The following PLCZ1 variants were observed in gnomAD, a reference collection of about 807,000 sequenced individuals.
The protein encoded by PLCZ1 is phospholipase C zeta 1, also known as 1-phosphatidylinositol 4,5-bisphosphate phosphodiesterase zeta-1.
PLCZ1 carries 64 observed loss-of-function variants against 76.8 expected under a neutral mutation model. The ratio of observed to expected loss-of-function variants is 0.83; its 90% CI spans 0.68 to 1.03. The LOEUF (loss-of-function observed/expected upper bound fraction) is 1.03. Ranked by LOEUF, PLCZ1 falls within the 50% of genes least tolerant of loss-of-function variation. PLCZ1 has a pLI of 0.00. For missense variants in PLCZ1, 751 were observed against 713.7 expected, an observed-to-expected ratio of 1.05 and a Z score of -0.60; for synonymous variants, 248 against 230.8, an observed-to-expected ratio of 1.07 and a Z score of -0.68.
chr12:18,683,333 G>C lies in PLCZ1; in HGVS notation c.1742-9C>G, dbSNP rs775325409. 46 of 1,611,372 alleles carry C rather than the reference G, an allele frequency of 2.9e-5. No individual in the cohort carries two copies. The highest frequency in any genetic ancestry group is 3.9e-5 in the Non-Finnish European group (46 of 1,178,180). ...AGGAATACGACGATAACCTGCAAAA[G>C]GAATTATATCTAATTAGACCAATAA... is the stretch of plus-strand genomic sequence containing the variant. On this transcript the variant is annotated splice_polypyrimidine_tract_variant and intron_variant, in intron 14 of 14. Transcript: ENST00000266505.
chr12:18,704,106 A>G (rs746242528), intron 7 of PLCZ1, among the ~76,000 whole-genome samples: 2 of 152,188 alleles, frequency 1.3e-5, no homozygotes, highest in South Asian at 2.1e-4. Context: ...GTTACAACAG[A>G]AAGTAATTCA....
chr12:18,699,103 A>G (rs1955526912), intron 10 of PLCZ1, among the ~76,000 whole-genome samples: 2 of 152,150 alleles, frequency 1.3e-5, no homozygotes, highest in African/African-American at 4.8e-5. Flanking sequence ...CCTCAGTTTT[A>G]GAATTAGAGG....
At chr12:18,683,666 T>C (rs1228979248) in intron 14 of PLCZ1, 1 of 1,292,494 alleles carries the variant, frequency 7.7e-7, no homozygotes, top group Non-Finnish European at 1.0e-6. Flanking sequence ...GACAAGGTAA[T>C]TGGGAGCACA....
downstream of PLCZ1, among the ~76,000 whole-genome samples, chr12:18,680,206 C>T (rs1323658276): frequency 6.6e-6 from 1 of 152,002 alleles, no homozygotes; most frequent in African/African-American, 2.4e-5. Context: ...TGTTCAATCC[C>T]ATAAGCATTT....
In PLCZ1 at chr12:18,731,529, C is replaced by T. The variant is rs1293903156; in HGVS notation, c.135+4692G>A. Among the ~76,000 whole-genome samples the T allele has an allele frequency of 6.4e-5, 8 of 125,570 alleles. No individual in the cohort carries two copies. The South Asian group carries it at 1.9e-3, about 30-fold the overall frequency. 82.4% of individuals were successfully genotyped at this position (125,570 alleles called of 152,430 possible). ...AACTGTCATTTCTGTGAGTAATAAGCTGTCTTTTTTTTTTTTTTTTTTTTT... is the reference window on the plus strand; with the variant it reads ...AACTGTCATTTCTGTGAGTAATAAGTTGTCTTTTTTTTTTTTTTTTTTTTT... On this transcript the variant is annotated intron_variant, in intron 3 of 14. Transcript: ENST00000266505.
At chr12:18,672,647 T>C in the PLCZ1 span, among the ~76,000 whole-genome samples, 1 of 152,196 alleles carries the variant, frequency 6.6e-6, no homozygotes, top group Non-Finnish European at 1.5e-5. Context: ...ACACTGAGTT[T>C]CTTATTGACC....
the PLCZ1 span, among the ~76,000 whole-genome samples, chr12:18,672,404 G>A: frequency 2.0e-5 from 3 of 151,920 alleles, no homozygotes; most frequent in African/African-American, 4.8e-5. Flanking sequence ...TTTAATGTGT[G>A]ATCTCTGATT....
the PLCZ1 span, among the ~76,000 whole-genome samples, chr12:18,650,347 A>ATATG: frequency 1.9e-3 from 220 of 114,416 alleles, no homozygotes; most frequent in African/African-American, 3.1e-3. Context: ...ATATATATAT[A>ATATG]TGTGTGTGTG....
chr12:18,657,380 A>T, the PLCZ1 span, among the ~76,000 whole-genome samples: 1 of 152,286 alleles, frequency 6.6e-6, no homozygotes, highest in African/African-American at 2.4e-5. Flanking sequence ...GAAGATCCAG[A>T]GCTCTTGTCA....
At chr12:18,679,042 T>G (rs183853697), downstream of PLCZ1, among the ~76,000 whole-genome samples, 232 of 152,208 alleles carry the variant, frequency 1.5e-3, 1 homozygote, top group Non-Finnish European at 2.1e-4. Context: ...TAACGATAAC[T>G]CATTATAGTG....
intron 3 of PLCZ1, among the ~76,000 whole-genome samples, chr12:18,733,745 A>C (rs1959168366): frequency 6.6e-6 from 1 of 152,066 alleles, no homozygotes; most frequent in Non-Finnish European, 1.5e-5. Flanking sequence ...TATGTATTTT[A>C]GTACCTTTGT....
downstream of PLCZ1, among the ~76,000 whole-genome samples, chr12:18,678,965 T>C (rs997011701): frequency 6.6e-6 from 1 of 152,078 alleles, no homozygotes; most frequent in African/African-American, 2.4e-5. Flanking sequence ...CTAGCAGTGA[T>C]TGAGTTCAGT....
the PLCZ1 span, among the ~76,000 whole-genome samples, chr12:18,668,113 C>T: frequency 1.3e-5 from 2 of 152,112 alleles, no homozygotes; most frequent in Non-Finnish European, 2.9e-5. Flanking sequence ...TTTCTTAGCC[C>T]CAACTTGTAT....
chr12:18,690,258 T>C (rs914018578), intron 12 of PLCZ1, among the ~76,000 whole-genome samples: 1 of 152,134 alleles, frequency 6.6e-6, no homozygotes, highest in Non-Finnish European at 1.5e-5. Flanking sequence ...ACTTTGGCTC[T>C]TGCTACCCAA....
the PLCZ1 span, among the ~76,000 whole-genome samples, chr12:18,663,952 T>C: frequency 2.0e-5 from 3 of 152,128 alleles, no homozygotes; most frequent in Admixed American, 2.0e-4. Context: ...TGAATAGACA[T>C]TTCTCCAAAG....
intron 5 of PLCZ1, among the ~76,000 whole-genome samples, chr12:18,715,458 G>C (rs935613823): frequency 4.6e-5 from 7 of 151,394 alleles, no homozygotes; most frequent in African/African-American, 1.7e-4. Context: ...CTGGGGTGCA[G>C]TGGCGCGATC....
At chr12:18,678,974 G>C (rs557054557), downstream of PLCZ1, among the ~76,000 whole-genome samples, 1 of 152,116 alleles carries the variant, frequency 6.6e-6, no homozygotes, top group South Asian at 2.1e-4. Context: ...ATTGAGTTCA[G>C]TTCTCCACAT....
At chr12:18,712,021 A>G (rs1035521981) in intron 6 of PLCZ1, among the ~76,000 whole-genome samples, 21 of 152,172 alleles carry the variant, frequency 1.4e-4, no homozygotes, top group African/African-American at 5.1e-4. Flanking sequence ...TTATGTTGAC[A>G]GATTATGTAA....
intron 7 of PLCZ1, among the ~76,000 whole-genome samples, chr12:18,704,485 C>T (rs548683189): frequency 3.8e-4 from 58 of 152,150 alleles, no homozygotes; most frequent in East Asian, 3.9e-4. Flanking sequence ...GCCACGACAC[C>T]CAGCTAATTT....
Sources: allele counts gnomAD v4.1 joint callset (sites outside exome capture counted in the v4.1 genomes callset), GRCh38; gene constraint gnomAD v4.1.1; transcripts MANE v1.5; gene names NCBI Gene and HGNC (gene_info 2026-07-23, HGNC 2026-07-21).